NOL6: variants seen among roughly 807,000 people sequenced by gnomAD.
The protein encoded by NOL6 is nucleolar RNA-associated protein.
In NOL6, 33 loss-of-function variants were observed where a neutral mutation model predicts 131.7. The observed-to-expected ratio is 0.25, with a 90% confidence interval of 0.19 to 0.33. NOL6 has a LOEUF of 0.33. Among genes scored for constraint, NOL6 ranks in the 10% least tolerant of loss-of-function variants. The pLI, the probability that NOL6 is intolerant of heterozygous loss-of-function variation, is 1.00. For synonymous variants in NOL6, 580 were observed against 605.7 expected (o/e 0.96, Z 0.62); for missense variants, 1,297 against 1,494.5 (o/e 0.87, Z 2.18).
rs755192378 is a variant in NOL6, at chr9:33,467,730, C to T, written c.1563G>A (p.Arg521=). ...GTCGAGAGTGAGCCAGCAGGTTCAG[C>T]CGAGCCCCCAGGCCCTGCTCCAGGA... ...TTLLEQGLGA[R]LNLLAHSRPP... Residue 521 remains arginine, a synonymous_variant, in exon 12 of 26, where the codon CGG becomes CGA. Coordinates refer to ENST00000297990, the MANE Select transcript of NOL6 (RefSeq NM_022917.5). This position sits in a 1 kb window ranked among gnomAD's most constrained non-coding sequence, Gnocchi z 4.4. 2 of 1,588,550 alleles carry T rather than the reference C, an allele frequency of 1.3e-6. No homozygotes were observed. Among genetic ancestry groups the T allele is most frequent in the Middle Eastern group, 1.7e-4 (1 of 5,908 alleles).
In NOL6 at chr9:33,462,116, C is replaced by T. The variant is rs1014793588; in HGVS notation, c.*548G>A. On this transcript the variant is annotated 3_prime_UTR_variant, in exon 26 of 26. Transcript: ENST00000297990. ...GGCATCAACACAGGAGGGCATTGTG[C>T]TCCTTCAATGTGGTCTATTCATACA... The T allele has an allele frequency of 1.4e-6, 1 of 717,146 alleles. No individual in the cohort carries two copies. The highest frequency in any genetic ancestry group is 2.6e-6 in the Non-Finnish European group (1 of 384,906). 44.4% of individuals were successfully genotyped at this position (717,146 alleles called of 1,614,324 possible).
chr9:33,465,837 C>A lies in NOL6; in HGVS notation c.2425G>T (p.Val809Leu). The A allele has an allele frequency of 1.9e-6, 3 of 1,614,130 alleles. No homozygotes were observed. Among genetic ancestry groups the A allele is most frequent in the Non-Finnish European group, 2.5e-6 (3 of 1,180,004 alleles). ...GAGATCATCCCCTCTGGGCTCTGCA[C>A]CTCCTTCAGGATCTGGGGCTCCCGC... ...YQREPQILKE[V>L]QSPEGMISLR... is the part of the protein sequence containing the mutation. The change falls in exon 19 of 26, where the codon GTG becomes TTG. Residue 809 changes from valine to leucine, a missense_variant. Coordinates refer to ENST00000297990, the MANE Select transcript of NOL6 (RefSeq NM_022917.5).
chr9:33,463,725 G>A, intron 23 of NOL6, 106 bp downstream of exon 23: 2 of 1,235,222 alleles, frequency 1.6e-6, no homozygotes, highest in Admixed American at 4.0e-5. Flanking sequence ...CCTCTGTTCA[G>A]TCTCACCAAA....
At chr9:33,464,207 G>A (rs763468411) in intron 21 of NOL6, 46 bp from the exon 22 acceptor site, 1 of 1,560,550 alleles carries the variant, frequency 6.4e-7, no homozygotes. Context: ...CTCCCTGTAA[G>A]ACACCCTCTA....
At chr9:33,465,614 C>A (rs1025227838) in intron 19 of NOL6, 120 bp downstream of exon 19, 1 of 1,200,026 alleles carries the variant, frequency 8.3e-7, no homozygotes, top group Non-Finnish European at 1.2e-6. Flanking sequence ...CTGCCTGACT[C>A]CAGAACTCAT....
chr9:33,464,224 C>T (rs1827180234), intron 21 of NOL6, 63 bp from the exon 22 acceptor site: 1 of 1,534,482 alleles, frequency 6.5e-7, no homozygotes, highest in African/African-American at 1.4e-5. Context: ...TCTACTCCCC[C>T]AGGTCCTCCT....
chr9:33,465,073 A>C (rs942119372), intron 20 of NOL6, 97 bp from the exon 21 acceptor site: 49 of 1,439,634 alleles, frequency 3.4e-5, no homozygotes, highest in Non-Finnish European at 4.2e-5. Context: ...GTGGATTGGC[A>C]GGGCAGGGCA....
chr9:33,466,251 A>G, intron 17 of NOL6, 26 bp from the exon 18 acceptor site: 1 of 1,612,166 alleles, frequency 6.2e-7, no homozygotes, highest in African/African-American at 1.3e-5. Context: ...CAGAGGTCTC[A>G]TACTGTGGCC....
rs750896527 is a variant in NOL6, at chr9:33,466,343, T to C, written c.2174A>G (p.Asp725Gly). ...RERSSLLPRL[D>G]KPCPAYVEPM... ...CTCCACGTAGGCCGGACAGGGCTTA[T>C]CGAGCCGGGGCAGCAGTGAGGACCG... Residue 725 changes from aspartate (D) to glycine (G), a missense_variant, in exon 17 of 26, where the codon GAT becomes GGT. By Grantham distance (94) the Asp-to-Gly change is moderately conservative. Transcript: ENST00000297990. The C allele has an allele frequency of 1.9e-6, 3 of 1,614,066 alleles. No individual in the cohort carries two copies. The highest frequency in any genetic ancestry group is 2.5e-6 in the Non-Finnish European group (3 of 1,180,034).
chr9:33,468,465 C>T, intron 9 of NOL6, 43 bp from the exon 10 acceptor site: 1 of 1,613,848 alleles, frequency 6.2e-7, no homozygotes, highest in Non-Finnish European at 8.5e-7. Flanking sequence ...TGGCACCTTA[C>T]TTGCAGGCCT....
chr9:33,464,205 A>G (rs752266782), intron 21 of NOL6, 44 bp from the exon 22 acceptor site: 1 of 1,562,326 alleles, frequency 6.4e-7, no homozygotes, highest in Non-Finnish European at 8.7e-7. Context: ...TCCTCCCTGT[A>G]AGACACCCTC....
rs1827280984 is a variant in NOL6 at position 33,467,537 on chromosome 9, G to A, written c.1603-21C>T. On this transcript the variant is annotated intron_variant, in intron 12 of 25. Coordinates refer to ENST00000297990, the MANE Select transcript of NOL6 (RefSeq NM_022917.5). This position sits in a 1 kb window ranked among gnomAD's most constrained non-coding sequence, Gnocchi z 4.4. Reference sequence around the variant, plus strand: ...TCCCACTGCAGGATTTCAAAAGGCTGAGCTCAGTCCTCCAATCCTCCAGCC... The same window carrying A: ...TCCCACTGCAGGATTTCAAAAGGCTAAGCTCAGTCCTCCAATCCTCCAGCC... 1.2e-6 allele frequency: 2 copies of A among 1,613,468 alleles called. No individual in the cohort carries two copies. The highest frequency in any genetic ancestry group is 1.3e-5 in the African/African-American group (1 of 74,898).
Position 33,468,574 on chromosome 9 carries a change from G to A in NOL6, c.1148-8C>T. ...CTGTCAGGTCTGTAGTGGCTGAAGTGAATCACAAGTGTATTAGAAGGTATC... is the reference window on the plus strand; with the variant it reads ...CTGTCAGGTCTGTAGTGGCTGAAGTAAATCACAAGTGTATTAGAAGGTATC... On this transcript the variant is annotated splice_polypyrimidine_tract_variant and splice_region_variant and intron_variant, in intron 8 of 25. Coordinates refer to ENST00000297990, the MANE Select transcript of NOL6 (RefSeq NM_022917.5). 1 of 1,613,978 alleles carries A rather than the reference G, an allele frequency of 6.2e-7. No individual in the cohort carries two copies. Among genetic ancestry groups the A allele is most frequent in the South Asian group, 1.1e-5 (1 of 91,076 alleles).
At position 33,469,353 on chromosome 9, in the gene NOL6, A is replaced by G. The variant is rs1278238733; in HGVS notation, c.728-12T>C. ...GCGCTCATCCTTTCCTGCCAGAGAC[A>G]GTGAGTGCTGAGACTCTGCAGGAGC... On this transcript the variant is annotated splice_polypyrimidine_tract_variant and intron_variant, in intron 5 of 25. Transcript: ENST00000297990. 3 of 1,613,900 alleles carry G rather than the reference A, an allele frequency of 1.9e-6. No homozygotes were observed. The highest frequency in any genetic ancestry group is 4.5e-5 in the East Asian group (2 of 44,876).
At chr9:33,465,468 A>T in intron 19 of NOL6, 109 bp from the exon 20 acceptor site, 2 of 1,261,952 alleles carry the variant, frequency 1.6e-6, no homozygotes, top group Non-Finnish European at 2.2e-6. Flanking sequence ...ATGTAATCTC[A>T]TATTCTCTTA....
At position 33,469,661 on chromosome 9, in the gene NOL6, G is replaced by A. The variant is rs774007068; in HGVS notation, c.565C>T (p.Leu189=). 2.5e-6 allele frequency: 4 copies of A among 1,610,112 alleles called. No individual in the cohort carries two copies. Among genetic ancestry groups the A allele is most frequent in the East Asian group, 2.2e-5 (1 of 44,870 alleles). ...DVALTMPREI[L]QDKDGLNQRY... ...TGGTTCAGCCCGTCCTTGTCCTGTAGGATTTCCTGGAGGGGCCAGGGGAGA... is the reference window on the plus strand; with the variant it reads ...TGGTTCAGCCCGTCCTTGTCCTGTAAGATTTCCTGGAGGGGCCAGGGGAGA... Residue 189 remains leucine (L), a synonymous_variant, in exon 5 of 26, where the codon CTA becomes TTA. Transcript: ENST00000297990.
intron 21 of NOL6, among the ~76,000 whole-genome samples, chr9:33,464,477 G>A (rs1056470001): frequency 6.6e-6 from 1 of 152,004 alleles, no homozygotes; most frequent in Admixed American, 6.6e-5. Flanking sequence ...GGGGAATTAG[G>A]AACCTGACAC....
intron 23 of NOL6, 147 bp downstream of exon 23, chr9:33,463,684 C>T: frequency 2.2e-6 from 2 of 900,384 alleles, no homozygotes; most frequent in Non-Finnish European, 3.3e-6. Flanking sequence ...CAGGCTCTGC[C>T]ACCCCAGGCA....
In NOL6 at chr9:33,468,962, T is replaced by A; in HGVS notation, c.1022A>T (p.Asp341Val). The A allele has an allele frequency of 6.2e-7, 1 of 1,614,110 alleles. No individual in the cohort carries two copies. The highest frequency in any genetic ancestry group is 8.5e-7 in the Non-Finnish European group (1 of 1,180,000). ...GCTGCGCCACCCCCAACTCACCTTG[T>A]CCAGCTCCCGCTGCCGCAGCCAGAC... ...LKVWLRQREL[D>V]KGQGGFTGFL... The change falls in exon 7 of 26, where the codon GAC (aspartate) becomes GTC (valine). Residue 341 changes from aspartate (D) to valine (V), a missense_variant. Coordinates refer to ENST00000297990, the MANE Select transcript of NOL6 (RefSeq NM_022917.5).
Sources: gnomAD v4.1 joint callset for allele counts (sites outside exome capture counted in the v4.1 genomes callset) on GRCh38, gnomAD v4.1.1 for gene constraint, Gnocchi (gnomAD v3.1) non-coding constraint, MANE v1.5 for transcripts, NCBI Gene and HGNC (gene_info 2026-07-23, HGNC 2026-07-21) for gene names.